GRID1: variants seen among roughly 807,000 people sequenced by gnomAD.
GRID1 encodes glutamate ionotropic receptor delta type subunit 1.
Under a neutral mutation model 98.0 loss-of-function variants are expected in GRID1, and 28 were observed. The observed-to-expected ratio is 0.29, with a 90% CI of 0.21 to 0.39. The LOEUF is 0.39. Among genes scored for constraint, GRID1 ranks in the 10% least tolerant of loss-of-function variants. GRID1 has a pLI of 1.00. For missense variants in GRID1, 1,111 were observed against 1,340.5 expected (o/e 0.83, Z 2.67); for synonymous variants, 553 against 538.5 (o/e 1.03, Z -0.37).
At chr10:86,228,764 C>A (rs1181560293) in intron 2 of GRID1, among the ~76,000 whole-genome samples, 2 of 152,166 alleles carry the variant, frequency 1.3e-5, no homozygotes, top group Non-Finnish European at 2.9e-5. Flanking sequence ...GCTGGGTCAC[C>A]CCTCAGGAAG....
At chr10:85,883,852 C>T (rs1384574354) in intron 5 of GRID1, among the ~76,000 whole-genome samples, 1 of 152,170 alleles carries the variant, frequency 6.6e-6, no homozygotes, top group Non-Finnish European at 1.5e-5. Context: ...CCATGCAACT[C>T]CAGTCAAGAC....
chr10:86,057,502 C>T (rs991889546), intron 4 of GRID1, among the ~76,000 whole-genome samples: 5 of 152,190 alleles, frequency 3.3e-5, no homozygotes, highest in Non-Finnish European at 7.4e-5. Flanking sequence ...TAACCTTTGA[C>T]GACACCCTGC....
intron 8 of GRID1, among the ~76,000 whole-genome samples, chr10:85,838,573 A>T (rs1458275798): frequency 6.6e-6 from 1 of 152,060 alleles, no homozygotes; most frequent in East Asian, 1.9e-4. Context: ...CTTCATTAGC[A>T]AAGGAGCATT....
At chr10:86,023,457 T>C (rs1162549624) in intron 4 of GRID1, among the ~76,000 whole-genome samples, 4 of 152,108 alleles carry the variant, frequency 2.6e-5, no homozygotes, top group African/African-American at 9.7e-5. Flanking sequence ...CCATCCCGTC[T>C]CCACTGGCTC....
At chr10:85,943,301 AT>A (rs1472049898) in intron 4 of GRID1, among the ~76,000 whole-genome samples, 7 of 152,224 alleles carry the variant, frequency 4.6e-5, no homozygotes, top group African/African-American at 1.7e-4. Context: ...GCTGGAATAA[AT>A]CAAAGATATA....
chr10:86,011,465 T>C (rs1362213945), intron 4 of GRID1, among the ~76,000 whole-genome samples: 2 of 152,112 alleles, frequency 1.3e-5, no homozygotes, highest in African/African-American at 2.4e-5. Flanking sequence ...CCAAAGAATA[T>C]TATGAAAAGC....
At chr10:85,951,260 C>T (rs1273914169) in intron 4 of GRID1, among the ~76,000 whole-genome samples, 2 of 152,152 alleles carry the variant, frequency 1.3e-5, no homozygotes, top group East Asian at 3.8e-4. Flanking sequence ...ATAGTACATG[C>T]ATGTTTGTTG....
At chr10:85,735,698 A>G (rs1841872104) in intron 8 of GRID1, among the ~76,000 whole-genome samples, 1 of 152,104 alleles carries the variant, frequency 6.6e-6, no homozygotes, top group Non-Finnish European at 1.5e-5. Context: ...AAGAATAGAA[A>G]CGGGTGGCAA....
chr10:86,091,343 T>G (rs1003126360), intron 4 of GRID1, among the ~76,000 whole-genome samples: 2 of 151,750 alleles, frequency 1.3e-5, no homozygotes, highest in Non-Finnish European at 2.9e-5. Flanking sequence ...GGGAGTTGGG[T>G]GAGGCCTGTG....
chr10:85,794,087 G>A lies in GRID1; in HGVS notation c.1233+60409C>T, dbSNP rs547079826. On this transcript the variant is annotated intron_variant, in intron 8 of 15. Coordinates refer to ENST00000327946, the MANE Select transcript of GRID1 (RefSeq NM_017551.3). ...CATCTCCTTGAAGGACAGCATCTCC[G>A]AGCACACTTTTGGAAATGCTGAATT... 8.5e-5 allele frequency among the ~76,000 whole-genome samples: 13 copies of A among 152,236 alleles called. No homozygotes were observed. In the South Asian group the frequency reaches 1.2e-3, roughly 15 times the overall value.
At chr10:86,209,725 T>A (rs2607831) in intron 2 of GRID1, among the ~76,000 whole-genome samples, 1 of 151,950 alleles carries the variant, frequency 6.6e-6, no homozygotes, top group Non-Finnish European at 1.5e-5. Context: ...GTCCAGGAAC[T>A]CCAATGCTCA....
intron 12 of GRID1, among the ~76,000 whole-genome samples, chr10:85,654,191 T>C (rs1840866804): frequency 6.6e-6 from 1 of 152,092 alleles, no homozygotes; most frequent in Non-Finnish European, 1.5e-5. Flanking sequence ...TGAGGTGTCC[T>C]CCCTCCTCAC....
At chr10:85,992,978 T>C (rs1259586391) in intron 4 of GRID1, among the ~76,000 whole-genome samples, 3 of 152,014 alleles carry the variant, frequency 2.0e-5, no homozygotes, top group East Asian at 3.9e-4. Flanking sequence ...TTTAGAAGTT[T>C]TTAAAAGAGC....
intron 2 of GRID1, among the ~76,000 whole-genome samples, chr10:86,219,790 C>T (rs1846227541): frequency 6.6e-6 from 1 of 152,254 alleles, no homozygotes; most frequent in South Asian, 2.1e-4. Context: ...CTCCAGGGGA[C>T]TGTGAACAGA....
intron 5 of GRID1, among the ~76,000 whole-genome samples, chr10:85,911,646 G>A (rs964086157): frequency 2.0e-5 from 3 of 152,156 alleles, no homozygotes; most frequent in Non-Finnish European, 4.4e-5. Flanking sequence ...GTGTGCTTTG[G>A]TTCAATGTCT....
intron 2 of GRID1, among the ~76,000 whole-genome samples, chr10:86,266,562 C>A (rs1016452570): frequency 1.1e-4 from 17 of 152,228 alleles, no homozygotes; most frequent in Non-Finnish European, 2.4e-4. Context: ...CAGGGGAGGG[C>A]CCTCCTGCCC....
At chr10:85,814,239 A>G (rs919690794) in intron 8 of GRID1, among the ~76,000 whole-genome samples, 1 of 151,922 alleles carries the variant, frequency 6.6e-6, no homozygotes, top group Non-Finnish European at 1.5e-5. Context: ...GATTGAAAAT[A>G]AATGGATGGA....
intron 4 of GRID1, among the ~76,000 whole-genome samples, chr10:86,027,354 C>T (rs571381922): frequency 2.1e-4 from 32 of 152,164 alleles, no homozygotes; most frequent in Non-Finnish European, 4.1e-4. Context: ...GGATAGTAGT[C>T]CTTTTTTGCC....
chr10:85,979,855 A>C (rs958653094), intron 4 of GRID1, among the ~76,000 whole-genome samples: 5 of 152,248 alleles, frequency 3.3e-5, no homozygotes, highest in Admixed American at 6.5e-5. Flanking sequence ...CCAGTGGCCT[A>C]CTCCAAGTTA....
Sources: gnomAD v4.1 joint callset for allele counts (sites outside exome capture counted in the v4.1 genomes callset) on GRCh38, gnomAD v4.1.1 for gene constraint, MANE v1.5 for transcripts, NCBI Gene and HGNC (gene_info 2026-07-23, HGNC 2026-07-21) for gene names.